CACNA2D3: variants seen among roughly 807,000 people sequenced by gnomAD.
The protein encoded by CACNA2D3 is voltage-dependent calcium channel subunit alpha-2/delta-3.
Under a neutral mutation model 160.6 loss-of-function variants are expected in CACNA2D3, and 60 were observed. The observed-to-expected ratio is 0.37, with a 90% CI of 0.30 to 0.46. The LOEUF is 0.46. Ranked by LOEUF, CACNA2D3 falls within the 20% of genes least tolerant of loss-of-function variation. The pLI is 1.00. For synonymous variants in CACNA2D3, 558 were observed against 492.9 expected, an observed-to-expected ratio of 1.13 and a Z score of -1.75; for missense variants, 1,205 against 1,365.0, an observed-to-expected ratio of 0.88 and a Z score of 1.85.
intron 3 of CACNA2D3, among the ~76,000 whole-genome samples, chr3:54,326,660 A>G (rs1307996833): frequency 1.3e-5 from 2 of 152,220 alleles, no homozygotes; most frequent in East Asian, 1.9e-4. Context: ...TTTTCTTTAC[A>G]TGTTAAGTCC....
intron 11 of CACNA2D3, among the ~76,000 whole-genome samples, chr3:54,744,715 A>ATGGCTTTC (rs1701720140): frequency 6.6e-6 from 1 of 152,212 alleles, no homozygotes; most frequent in Non-Finnish European, 1.5e-5. Flanking sequence ...TGGATGGAAG[A>ATGGCTTTC]CTTGGCTTTC....
intron 30 of CACNA2D3, among the ~76,000 whole-genome samples, chr3:54,985,739 T>C (rs1351097971): frequency 2.6e-5 from 4 of 152,230 alleles, no homozygotes. Flanking sequence ...TCCTTAAGTG[T>C]GGCTTCTTAG....
intron 27 of CACNA2D3, among the ~76,000 whole-genome samples, chr3:54,946,367 A>C (rs185040349): frequency 7.9e-5 from 12 of 152,330 alleles, no homozygotes; most frequent in African/African-American, 2.9e-4. Context: ...GTATGCCTTC[A>C]GAGATTTTAG....
intron 11 of CACNA2D3, among the ~76,000 whole-genome samples, chr3:54,700,790 T>C (rs1700753531): frequency 1.3e-5 from 2 of 152,208 alleles, no homozygotes. Context: ...CATGTAATTG[T>C]CATGGCAGCC....
chr3:54,813,687 A>G (rs1355015046), intron 13 of CACNA2D3, among the ~76,000 whole-genome samples: 3 of 152,058 alleles, frequency 2.0e-5, no homozygotes, highest in Non-Finnish European at 4.4e-5. Flanking sequence ...ACACGTACAT[A>G]TGGGGAAGAT....
At chr3:54,822,744 T>TTCTC (rs1344535696) in intron 14 of CACNA2D3, among the ~76,000 whole-genome samples, 26 of 58,510 alleles carry the variant, frequency 4.4e-4, no homozygotes, top group Non-Finnish European at 7.9e-4. Context: ...CTTTCTTTCT[T>TTCTC]TCTTTCTTTC....
chr3:55,028,664 T>C (rs552242120), intron 35 of CACNA2D3, among the ~76,000 whole-genome samples: 81 of 152,290 alleles, frequency 5.3e-4, no homozygotes, highest in African/African-American at 1.9e-3. Context: ...AAATAATTAA[T>C]CAAAAATAAA....
At chr3:54,127,480 T>C (rs149926581) in intron 2 of CACNA2D3, among the ~76,000 whole-genome samples, 6 of 152,162 alleles carry the variant, frequency 3.9e-5, no homozygotes, top group Non-Finnish European at 8.8e-5. Context: ...AATAACTGAA[T>C]AGGTGTATTC....
chr3:54,378,910 C>T (rs560088271), intron 3 of CACNA2D3, among the ~76,000 whole-genome samples: 1 of 152,270 alleles, frequency 6.6e-6, no homozygotes, highest in African/African-American at 2.4e-5. Flanking sequence ...TGCAAATTGG[C>T]CATTCACACT....
intron 2 of CACNA2D3, among the ~76,000 whole-genome samples, chr3:54,274,370 G>A (rs1702689934): frequency 6.6e-6 from 1 of 151,538 alleles, no homozygotes; most frequent in African/African-American, 2.4e-5. Context: ...CTGATATGAT[G>A]AGAGATCCTT....
intron 27 of CACNA2D3, among the ~76,000 whole-genome samples, chr3:54,950,053 T>C (rs1701718089): frequency 6.6e-6 from 1 of 152,240 alleles, no homozygotes; most frequent in South Asian, 2.1e-4. Flanking sequence ...TTGCTGTGCA[T>C]TTCAGGGCCA....
intron 33 of CACNA2D3, 121 bp downstream of exon 33, chr3:55,007,963 A>G: frequency 1.6e-6 from 1 of 635,832 alleles, no homozygotes; most frequent in Non-Finnish European, 2.6e-6. Context: ...GTACTCTGAG[A>G]TAACTTCATT....
chr3:54,699,145 A>T (rs1031229980), intron 11 of CACNA2D3, among the ~76,000 whole-genome samples: 6 of 152,206 alleles, frequency 3.9e-5, no homozygotes, highest in African/African-American at 1.4e-4. Flanking sequence ...ACAGAACCCA[A>T]GTCATAGGGA....
intron 3 of CACNA2D3, among the ~76,000 whole-genome samples, chr3:54,372,317 G>C (rs1698938542): frequency 6.6e-6 from 1 of 152,200 alleles, no homozygotes; most frequent in South Asian, 2.1e-4. Flanking sequence ...TTTTCACAGT[G>C]AAAGAAGAGG....
At chr3:54,865,352 A>G (rs1699376196) in intron 17 of CACNA2D3, among the ~76,000 whole-genome samples, 1 of 152,248 alleles carries the variant, frequency 6.6e-6, no homozygotes, top group South Asian at 2.1e-4. Context: ...GTAAGGAAAC[A>G]CCAAATGCCC....
At chr3:54,714,928 C>T (rs1401117901) in intron 11 of CACNA2D3, among the ~76,000 whole-genome samples, 4 of 152,190 alleles carry the variant, frequency 2.6e-5, no homozygotes, top group Admixed American at 2.6e-4. Context: ...ACACAGTACA[C>T]TTCTGTGATC....
chr3:54,631,669 C>T (rs539312658), intron 10 of CACNA2D3, among the ~76,000 whole-genome samples: 1 of 152,300 alleles, frequency 6.6e-6, no homozygotes. Context: ...GGTATTTGCT[C>T]AGATGACTTA....
At chr3:54,339,253 C>T (rs1184648075) in intron 3 of CACNA2D3, among the ~76,000 whole-genome samples, 1 of 152,158 alleles carries the variant, frequency 6.6e-6, no homozygotes, top group Admixed American at 6.5e-5. Flanking sequence ...AGTGTTCTCT[C>T]TGAGTGGAAT....
intron 3 of CACNA2D3, among the ~76,000 whole-genome samples, chr3:54,330,348 G>T (rs1188491447): frequency 6.6e-6 from 1 of 151,866 alleles, no homozygotes; most frequent in Admixed American, 6.6e-5. Context: ...TGTTTGATGG[G>T]ATTTATAGAG....
Sources: allele counts gnomAD v4.1 joint callset (sites outside exome capture counted in the v4.1 genomes callset), GRCh38; gene constraint gnomAD v4.1.1; transcripts MANE v1.5; gene names NCBI Gene and HGNC (gene_info 2026-07-23, HGNC 2026-07-21).